Variants in SUMF1 observed in about 807,000 individuals in gnomAD.
SUMF1 encodes the protein formylglycine-generating enzyme.
SUMF1 carries 48 observed loss-of-function variants against 47.6 expected under a neutral mutation model. That is an observed-to-expected ratio of 1.01 (90% confidence interval 0.80 to 1.28). The LOEUF (loss-of-function observed/expected upper bound fraction) is 1.28, where lower values mean the gene tolerates loss of function less well. Among genes scored for constraint, SUMF1 ranks in the 50% most tolerant of loss-of-function variants. The probability of loss-of-function intolerance (pLI) is 0.00; values close to 1 mark genes in which losing one functional copy is unlikely to be tolerated. For synonymous variants in SUMF1, 230 were observed against 192.1 expected, an observed-to-expected ratio of 1.20 and a Z score of -1.63; for missense variants, 571 against 485.4, an observed-to-expected ratio of 1.18 and a Z score of -1.66.
rs139483473 is a variant in SUMF1 at position 4,313,496 on chromosome 3, T to C, written c.1014+62834A>G. On this transcript the variant is annotated intron_variant and NMD_transcript_variant, in intron 8 of 12. Coordinates refer to the SUMF1 transcript ENST00000448413. ...TTGGCACTTTTTGCAGCCAAAGATA[T>C]TGTGCCAGAAGAAGAACTCTCTTAT... 1.2e-4 allele frequency: 199 copies of C among 1,613,978 alleles called. 1 individual carries two copies. The highest frequency in any genetic ancestry group is 2.0e-4 in the Admixed American group (12 of 59,956).
chr3:4,259,179 G>C (rs1157529038), intron 8 of SUMF1, among the ~76,000 whole-genome samples: 3 of 150,898 alleles, frequency 2.0e-5, no homozygotes, highest in South Asian at 2.1e-4. Context: ...CGAGTTAGTG[G>C]GTGCAGCGCA....
chr3:4,139,625 T>G (rs1694028778), intron 8 of SUMF1, among the ~76,000 whole-genome samples: 1 of 151,418 alleles, frequency 6.6e-6, no homozygotes. Context: ...GGAGAGCCAG[T>G]TGTTAATCAT....
At chr3:4,044,691 C>T (rs186093515) in intron 9 of SUMF1, among the ~76,000 whole-genome samples, 12 of 152,318 alleles carry the variant, frequency 7.9e-5, no homozygotes, top group East Asian at 5.8e-4. Context: ...CTATTATCAC[C>T]GACTTACTTA....
chr3:4,187,741 T>A (rs1337351564), intron 8 of SUMF1, among the ~76,000 whole-genome samples: 2 of 152,222 alleles, frequency 1.3e-5, no homozygotes, highest in Non-Finnish European at 2.9e-5. Context: ...TGTGTGTCAA[T>A]AATAATTGAA....
intron 8 of SUMF1, among the ~76,000 whole-genome samples, chr3:4,322,948 CATT>C (rs1364322287): frequency 6.6e-6 from 1 of 152,136 alleles, no homozygotes; most frequent in Non-Finnish European, 1.5e-5. Flanking sequence ...GTTCATATAG[CATT>C]ATTCATAACA....
intron 8 of SUMF1, among the ~76,000 whole-genome samples, chr3:4,100,905 C>G (rs1693016425): frequency 6.6e-6 from 1 of 151,906 alleles, no homozygotes; most frequent in Non-Finnish European, 1.5e-5. Flanking sequence ...ATAAAAAATA[C>G]TCAATATCTC....
chr3:4,453,960 G>A (rs1559310273), intron 1 of SUMF1, among the ~76,000 whole-genome samples: 2 of 151,998 alleles, frequency 1.3e-5, no homozygotes, highest in Non-Finnish European at 2.9e-5. Context: ...ATTGTGCCCA[G>A]CCCCACTTTT....
intron 2 of SUMF1, among the ~76,000 whole-genome samples, chr3:4,450,122 A>G (rs891475860): frequency 3.9e-5 from 6 of 152,186 alleles, no homozygotes; most frequent in African/African-American, 1.4e-4. Flanking sequence ...TTAAAACTAC[A>G]TATTGCTGCT....
intron 8 of SUMF1, among the ~76,000 whole-genome samples, chr3:4,278,895 C>G (rs59045991): frequency 1.3e-5 from 2 of 151,976 alleles, no homozygotes; most frequent in Non-Finnish European, 2.9e-5. Context: ...TTTTTTCATG[C>G]CTTTTACATC....
intron 8 of SUMF1, among the ~76,000 whole-genome samples, chr3:4,176,683 TAAC>T (rs1318462197): frequency 1.3e-5 from 2 of 152,122 alleles, no homozygotes; most frequent in Non-Finnish European, 2.9e-5. Context: ...AATTCACACA[TAAC>T]AACATTAACC....
chr3:4,226,337 T>C (rs1696174903), intron 8 of SUMF1, among the ~76,000 whole-genome samples: 1 of 149,768 alleles, frequency 6.7e-6, no homozygotes, highest in Non-Finnish European at 1.5e-5. Context: ...TAGCATGATC[T>C]TGGCTCACTG....
At chr3:4,219,627 A>G (rs1696017712) in intron 8 of SUMF1, among the ~76,000 whole-genome samples, 1 of 152,154 alleles carries the variant, frequency 6.6e-6, no homozygotes, top group Non-Finnish European at 1.5e-5. Flanking sequence ...ATGGATCTGT[A>G]TTTCCACCAT....
At chr3:4,254,973 GA>G (rs1696910913) in intron 8 of SUMF1, among the ~76,000 whole-genome samples, 1 of 152,050 alleles carries the variant, frequency 6.6e-6, no homozygotes, top group Non-Finnish European at 1.5e-5. Context: ...CATTCTTAAA[GA>G]AAACAATTTT....
intron 8 of SUMF1, among the ~76,000 whole-genome samples, chr3:4,168,905 C>T (rs1440647886): frequency 6.6e-6 from 1 of 152,160 alleles, no homozygotes; most frequent in Non-Finnish European, 1.5e-5. Flanking sequence ...ATTTCTTCCA[C>T]TAATTGAGCA....
At chr3:4,303,972 C>T (rs1698069469) in intron 8 of SUMF1, 6 of 734,446 alleles carry the variant, frequency 8.2e-6, no homozygotes, top group Non-Finnish European at 1.1e-5. Context: ...GCTGTGGGCT[C>T]TTGGGCGAGT....
At chr3:4,310,032 A>G (rs1197313725) in intron 8 of SUMF1, among the ~76,000 whole-genome samples, 1 of 152,182 alleles carries the variant, frequency 6.6e-6, no homozygotes, top group African/African-American at 2.4e-5. Flanking sequence ...ACCTGCACAG[A>G]ATGTTGCTAC....
chr3:4,083,523 C>T (rs931936255), intron 8 of SUMF1, among the ~76,000 whole-genome samples: 4 of 152,234 alleles, frequency 2.6e-5, no homozygotes, highest in Admixed American at 1.3e-4. Context: ...AAAGAAAAGT[C>T]TATGTGTCTT....
At chr3:4,077,748 A>G (rs1692471399) in intron 8 of SUMF1, among the ~76,000 whole-genome samples, 1 of 152,132 alleles carries the variant, frequency 6.6e-6, no homozygotes, top group Non-Finnish European at 1.5e-5. Context: ...TGGCACATGT[A>G]CACATATGTA....
chr3:4,324,868 T>C (rs937557312), intron 8 of SUMF1, among the ~76,000 whole-genome samples: 4 of 152,130 alleles, frequency 2.6e-5, no homozygotes, highest in Non-Finnish European at 5.9e-5. Flanking sequence ...TATTATCCCA[T>C]TTTCATGCTG....
Sources: gnomAD v4.1 joint callset for allele counts (sites outside exome capture counted in the v4.1 genomes callset) on GRCh38, gnomAD v4.1.1 for gene constraint, MANE v1.5 for transcripts, NCBI Gene and HGNC (gene_info 2026-07-23, HGNC 2026-07-21) for gene names.